HS3ST4: variants seen among roughly 807,000 people sequenced by gnomAD.
HS3ST4 encodes heparan sulfate glucosamine 3-O-sulfotransferase 4.
Under a neutral mutation model 29.2 loss-of-function variants are expected in HS3ST4, and 17 were observed. The observed-to-expected ratio is 0.58, with a 90% CI of 0.40 to 0.87. The LOEUF (loss-of-function observed/expected upper bound fraction) is 0.87, where lower values mean the gene tolerates loss of function less well. Ranked by LOEUF, HS3ST4 falls within the 40% of genes least tolerant of loss-of-function variation. The probability of loss-of-function intolerance (pLI) is 0.00; values close to 1 mark genes in which losing one functional copy is unlikely to be tolerated. For synonymous variants in HS3ST4, 314 were observed against 285.7 expected (o/e 1.10, Z -1.00); for missense variants, 627 against 634.5 (o/e 0.99, Z 0.13).
At chr16:25,940,031 C>T (rs1968557969) in intron 1 of HS3ST4, among the ~76,000 whole-genome samples, 1 of 152,086 alleles carries the variant, frequency 6.6e-6, no homozygotes, top group Non-Finnish European at 1.5e-5. Flanking sequence ...GGTTCTTATG[C>T]ACCCACATGG....
chr16:25,800,387 T>A (rs1966921498), intron 1 of HS3ST4, among the ~76,000 whole-genome samples: 1 of 151,986 alleles, frequency 6.6e-6, no homozygotes, highest in Non-Finnish European at 1.5e-5. Context: ...TCTCTGTCTC[T>A]TTTTCTCTCC....
chr16:25,874,602 T>C (rs1465058881), intron 1 of HS3ST4, among the ~76,000 whole-genome samples: 1 of 152,168 alleles, frequency 6.6e-6, no homozygotes, highest in Non-Finnish European at 1.5e-5. Flanking sequence ...CATCCAGCTA[T>C]CCATCTGTTT....
In HS3ST4 at chr16:25,828,296, CTTTCCCTCTCT is replaced by C. The variant is rs1567249498; in HGVS notation, c.734+135146_734+135156del. Among the ~76,000 whole-genome samples the C allele has an allele frequency of 4.3e-3, 314 of 73,854 alleles. 1 individual carries two copies. The highest frequency in any genetic ancestry group is 0.02 in the Middle Eastern group (3 of 152). The allele number at this position is 73,854 out of a possible 152,430, so 48.5% of individuals were successfully genotyped here. On this transcript the variant is annotated intron_variant, in intron 1 of 1. Transcript: ENST00000331351. ...TCTTTCTTTCTTTCTTTCTTTCTTT[CTTTCCCTCTCT>C]CTCTCTCTCTCTCTCTCTCTCTCTC...
At chr16:26,129,670 A>G (rs1209779202) in intron 1 of HS3ST4, among the ~76,000 whole-genome samples, 1 of 152,208 alleles carries the variant, frequency 6.6e-6, no homozygotes, top group Non-Finnish European at 1.5e-5. Flanking sequence ...GACCCATATT[A>G]CTTAAGTTAA....
intron 1 of HS3ST4, among the ~76,000 whole-genome samples, chr16:25,914,630 T>G (rs974929604): frequency 5.7e-5 from 8 of 140,712 alleles, no homozygotes; most frequent in Non-Finnish European, 1.2e-4. Flanking sequence ...GTGTGTGTGG[T>G]GTGTGTGTGT....
intron 1 of HS3ST4, among the ~76,000 whole-genome samples, chr16:25,968,581 A>C (rs1333330537): frequency 6.6e-6 from 1 of 152,152 alleles, no homozygotes; most frequent in Non-Finnish European, 1.5e-5. Flanking sequence ...TAAGTAGCAC[A>C]ATGTAGTATT....
In HS3ST4 at chr16:25,692,581, G is replaced by A; in HGVS notation, c.164G>A (p.Gly55Asp). Residue 55 changes from glycine to aspartate, a missense_variant, in exon 1 of 2, where the codon GGC becomes GAC. This residue lies in a region of HS3ST4 where 402 missense variants were observed against 340.8 expected (regional missense o/e 1.18). Coordinates refer to ENST00000331351, the MANE Select transcript of HS3ST4 (RefSeq NM_006040.3). ...TACCTGTGCTACAGCCTCCTGGGCGGCTCGGGCTCCCTGCAATTCCCTCTG... is the reference window on the plus strand; with the variant it reads ...TACCTGTGCTACAGCCTCCTGGGCGACTCGGGCTCCCTGCAATTCCCTCTG... ...VTYLCYSLLGGSGSLQFPLAL... is the reference protein window; with the variant it reads ...VTYLCYSLLGDSGSLQFPLAL... The A allele has an allele frequency of 2.1e-6, 3 of 1,424,554 alleles. No individual in the cohort carries two copies. Among genetic ancestry groups the A allele is most frequent in the Admixed American group, 2.4e-5 (1 of 42,092 alleles). 88.2% of individuals were successfully genotyped at this position (1,424,554 alleles called of 1,614,324 possible). A position where few individuals can be genotyped will look rare whatever the true frequency, so the allele number is the denominator to read the frequency against.
intron 1 of HS3ST4, among the ~76,000 whole-genome samples, chr16:25,964,551 G>C (rs1968825235): frequency 6.6e-6 from 1 of 152,136 alleles, no homozygotes; most frequent in African/African-American, 2.4e-5. Flanking sequence ...TTTTGCAGAG[G>C]AGAAAACTGA....
intron 1 of HS3ST4, among the ~76,000 whole-genome samples, chr16:25,967,623 C>G (rs1457519116): frequency 1.3e-5 from 2 of 152,184 alleles, no homozygotes; most frequent in Non-Finnish European, 2.9e-5. Flanking sequence ...ATGTTTCTCT[C>G]TAGACCATTT....
At chr16:25,929,271 A>T (rs1394874145) in intron 1 of HS3ST4, among the ~76,000 whole-genome samples, 3 of 151,972 alleles carry the variant, frequency 2.0e-5, no homozygotes, top group African/African-American at 7.3e-5. Flanking sequence ...AGTCCCAGCC[A>T]CTCAGGAGGC....
intron 1 of HS3ST4, among the ~76,000 whole-genome samples, chr16:26,091,894 T>G (rs1285539542): frequency 6.6e-6 from 1 of 152,212 alleles, no homozygotes; most frequent in Admixed American, 6.5e-5. Context: ...TACTGAGGTC[T>G]GCTATTAGTG....
chr16:25,799,585 C>T (rs1966911579), intron 1 of HS3ST4, among the ~76,000 whole-genome samples: 1 of 152,222 alleles, frequency 6.6e-6, no homozygotes, highest in African/African-American at 2.4e-5. Context: ...ACAGTTATTA[C>T]CAATGTGAAC....
At chr16:26,042,354 C>CTGTGTGTGTGTGTGTGTG (rs71732983) in intron 1 of HS3ST4, among the ~76,000 whole-genome samples, 7 of 148,452 alleles carry the variant, frequency 4.7e-5, no homozygotes, top group African/African-American at 1.7e-4. Flanking sequence ...GCATTTATCT[C>CTGTGTGTGTGTGTGTGTG]TGTGTGTGTG....
intron 1 of HS3ST4, among the ~76,000 whole-genome samples, chr16:25,872,040 G>A (rs996108013): frequency 3.3e-5 from 5 of 152,176 alleles, no homozygotes; most frequent in East Asian, 3.8e-4. Flanking sequence ...ACTTAGCCAT[G>A]TAGGGGGAGG....
intron 1 of HS3ST4, among the ~76,000 whole-genome samples, chr16:25,827,344 C>A (rs940359183): frequency 4.6e-5 from 7 of 152,104 alleles, no homozygotes; most frequent in African/African-American, 7.2e-5. Context: ...AGAGTGACTG[C>A]CATCCATACC....
At chr16:26,016,240 G>T (rs1011166051) in intron 1 of HS3ST4, among the ~76,000 whole-genome samples, 1 of 152,132 alleles carries the variant, frequency 6.6e-6, no homozygotes, top group African/African-American at 2.4e-5. Flanking sequence ...CCAATAATCT[G>T]CTTATAAATG....
At chr16:26,098,750 C>T (rs1450127882) in intron 1 of HS3ST4, among the ~76,000 whole-genome samples, 1 of 151,670 alleles carries the variant, frequency 6.6e-6, no homozygotes, top group East Asian at 1.9e-4. Context: ...AAAAGACAGA[C>T]TTAAGGAAGC....
intron 1 of HS3ST4, among the ~76,000 whole-genome samples, chr16:25,921,085 C>G (rs1183046371): frequency 6.6e-6 from 1 of 152,222 alleles, no homozygotes; most frequent in African/African-American, 2.4e-5. Context: ...TTTCTCCCCA[C>G]TTTAATGTAA....
intron 1 of HS3ST4, among the ~76,000 whole-genome samples, chr16:26,060,577 A>C (rs796951578): frequency 1.1e-4 from 16 of 152,270 alleles, no homozygotes; most frequent in African/African-American, 3.6e-4. Context: ...TTGCACTGAC[A>C]CTTAGCTGTG....
Sources: gnomAD v4.1 joint callset for allele counts (sites outside exome capture counted in the v4.1 genomes callset) on GRCh38, gnomAD v4.1.1 for gene constraint, gnomAD v4.1.1 regional missense constraint, MANE v1.5 for transcripts, NCBI Gene and HGNC (gene_info 2026-07-23, HGNC 2026-07-21) for gene names.